Variants in ZNF69 observed in about 807,000 individuals in gnomAD.
ZNF69 encodes the protein zinc finger protein 69.
ZNF69 carries 47 observed loss-of-function variants against 50.9 expected under a neutral mutation model. The ratio of observed to expected loss-of-function variants is 0.92; its 90% CI spans 0.73 to 1.18. ZNF69 has a LOEUF of 1.18. ZNF69 is among the 50% of genes most tolerant of loss of function. The pLI is 0.00. For missense variants in ZNF69, 717 were observed against 675.1 expected, an observed-to-expected ratio of 1.06 and a Z score of -0.69; for synonymous variants, 216 against 223.1, an observed-to-expected ratio of 0.97 and a Z score of 0.29.
At chr19:11,898,806 C>G (rs915774723) in intron 1 of ZNF69, among the ~76,000 whole-genome samples, 2 of 152,062 alleles carry the variant, frequency 1.3e-5, no homozygotes, top group Non-Finnish European at 2.9e-5. Context: ...TGGAGGCCAG[C>G]CTAGGCAACA....
the ZNF69 span, among the ~76,000 whole-genome samples, chr19:11,960,298 G>C: frequency 2.6e-5 from 4 of 152,130 alleles, no homozygotes; most frequent in African/African-American, 7.2e-5. Context: ...GATTACAGGC[G>C]TGCGCCACTG....
At chr19:11,907,779 A>G (rs1438936092), downstream of ZNF69, among the ~76,000 whole-genome samples, 2 of 152,224 alleles carry the variant, frequency 1.3e-5, no homozygotes, top group Non-Finnish European at 2.9e-5. Flanking sequence ...GAGCAAAATA[A>G]CCAGTTAACA....
the ZNF69 span, among the ~76,000 whole-genome samples, chr19:11,942,957 C>A: frequency 6.6e-5 from 10 of 152,112 alleles, no homozygotes; most frequent in African/African-American, 1.9e-4. Flanking sequence ...CACTTTCATC[C>A]TTACTACCTA....
chr19:11,897,599 G>A (rs1395059409), intron 1 of ZNF69, among the ~76,000 whole-genome samples: 2 of 150,156 alleles, frequency 1.3e-5, no homozygotes, highest in Non-Finnish European at 3.0e-5. Context: ...AGAGTCAGGT[G>A]CGGTAGCTCA....
chr19:11,915,926 C>T (rs536529435), downstream of ZNF69, among the ~76,000 whole-genome samples: 2 of 152,122 alleles, frequency 1.3e-5, no homozygotes, highest in South Asian at 4.1e-4. Context: ...AAAAAGCTCA[C>T]TTGGTTCTTC....
intron 1 of ZNF69, among the ~76,000 whole-genome samples, chr19:11,888,931 A>G (rs1382540343): frequency 1.4e-5 from 2 of 141,944 alleles, no homozygotes; most frequent in African/African-American, 5.7e-5. Context: ...ACACAGTGCC[A>G]CTGCACTCCA....
chr19:11,942,865 G>A, the ZNF69 span, among the ~76,000 whole-genome samples: 1 of 152,070 alleles, frequency 6.6e-6, no homozygotes. Context: ...CCTCTTTCTT[G>A]TTCTGAGGTA....
chr19:11,899,913 G>T (rs1204473279), intron 1 of ZNF69, among the ~76,000 whole-genome samples: 2 of 152,130 alleles, frequency 1.3e-5, no homozygotes. Flanking sequence ...TTGGATTTTA[G>T]CTACTCCACC....
In ZNF69 at chr19:11,905,125, C is replaced by G. The variant is rs747199944; in HGVS notation, c.728C>G (p.Thr243Ser). The G allele has an allele frequency of 9.9e-5, 160 of 1,614,176 alleles. No individual in the cohort carries two copies. In the East Asian group the frequency reaches 3.5e-3, roughly 35 times the overall value. Residue 243 changes from threonine (T) to serine (S), a missense_variant, in exon 4 of 4, where the codon ACT (threonine) becomes AGT (serine). Thr to Ser is a moderately conservative substitution (Grantham distance 58, BLOSUM62 1). Coordinates refer to ENST00000429654, the MANE Select transcript of ZNF69 (RefSeq NM_001364730.1). ...TATCTTATCCATGAAAGAATTCACA[C>G]TGGAGAGAAACCATATGAATGTAAA... ...SLYLIHERIH[T>S]GEKPYECKQC... is the part of the protein sequence containing the mutation.
chr19:11,895,774 G>T (rs1184329222), intron 1 of ZNF69, among the ~76,000 whole-genome samples: 1 of 152,234 alleles, frequency 6.6e-6, no homozygotes, highest in Non-Finnish European at 1.5e-5. Flanking sequence ...GGCAACTCTA[G>T]AATTAATTAA....
At chr19:11,892,194 G>T (rs1977109933) in intron 1 of ZNF69, among the ~76,000 whole-genome samples, 1 of 144,912 alleles carries the variant, frequency 6.9e-6, no homozygotes, top group African/African-American at 2.6e-5. Flanking sequence ...TGCCTAGGCT[G>T]GTCTCTAGCT....
Position 11,905,883 on chromosome 19 carries a change from C to G in ZNF69, c.1486C>G (p.His496Asp). ...TTATTGTCCCAAATCATTGCAAAGACATGAAAAAACTCACACTGGAGAGAA... is the reference window on the plus strand; with the variant it reads ...TTATTGTCCCAAATCATTGCAAAGAGATGAAAAAACTCACACTGGAGAGAA... ...GFYCPKSLQR[H>D]EKTHTGEKLY... The change falls in exon 4 of 4, where the codon CAT becomes GAT. Residue 496 changes from histidine (H) to aspartate (D), a missense_variant. His to Asp is a moderately conservative substitution (Grantham distance 81). Coordinates refer to ENST00000429654, the MANE Select transcript of ZNF69 (RefSeq NM_001364730.1). 2 of 1,613,764 alleles carry G rather than the reference C, an allele frequency of 1.2e-6. No individual in the cohort carries two copies. Among genetic ancestry groups the G allele is most frequent in the Non-Finnish European group, 8.5e-7 (1 of 1,179,934 alleles).
At chr19:11,910,875 G>A (rs891408828), downstream of ZNF69, among the ~76,000 whole-genome samples, 2 of 152,150 alleles carry the variant, frequency 1.3e-5, no homozygotes, top group East Asian at 1.9e-4. Flanking sequence ...TACCATCAGA[G>A]TGAACAGGCA....
the ZNF69 span, among the ~76,000 whole-genome samples, chr19:11,929,570 C>A: frequency 0.12 from 17,107 of 147,802 alleles, 3,575 homozygotes; most frequent in African/African-American, 0.33. Context: ...TTTCCCTATA[C>A]ATTAGTAATT....
chr19:11,976,555 C>CAAAAAAAA, the ZNF69 span, among the ~76,000 whole-genome samples: 1 of 73,814 alleles, frequency 1.4e-5, no homozygotes, highest in African/African-American at 4.9e-5. Flanking sequence ...GACTCTGTCT[C>CAAAAAAAA]AAAAAAAAAA....
the ZNF69 span, among the ~76,000 whole-genome samples, chr19:11,955,890 G>T: frequency 6.6e-6 from 1 of 152,046 alleles, no homozygotes; most frequent in Non-Finnish European, 1.5e-5. Context: ...TATGTGCTTT[G>T]TTATGGAAAT....
At chr19:11,942,579 G>C in the ZNF69 span, among the ~76,000 whole-genome samples, 1 of 152,188 alleles carries the variant, frequency 6.6e-6, no homozygotes. Flanking sequence ...CAGAGAGAGA[G>C]AAATTCCTGC....
At chr19:11,927,518 A>G in the ZNF69 span, among the ~76,000 whole-genome samples, 1 of 152,262 alleles carries the variant, frequency 6.6e-6, no homozygotes, top group Non-Finnish European at 1.5e-5. Flanking sequence ...GCATCCTCAT[A>G]CAGCAAGTGG....
At chr19:11,889,796 T>C (rs1443806646) in intron 1 of ZNF69, among the ~76,000 whole-genome samples, 1 of 152,142 alleles carries the variant, frequency 6.6e-6, no homozygotes, top group Non-Finnish European at 1.5e-5. Context: ...TCAGTATTTA[T>C]TGATCACTAT....
Sources: allele counts gnomAD v4.1 joint callset (sites outside exome capture counted in the v4.1 genomes callset), GRCh38; gene constraint gnomAD v4.1.1; transcripts MANE v1.5; gene names NCBI Gene and HGNC (gene_info 2026-07-23, HGNC 2026-07-21).